Variants in VOPP1 observed in about 807,000 individuals in gnomAD.
VOPP1 encodes the protein WW domain binding protein VOPP1.
Under a neutral mutation model 23.5 loss-of-function variants are expected in VOPP1, and 8 were observed. The ratio of observed to expected loss-of-function variants is 0.34; its 90% CI spans 0.20 to 0.61. The LOEUF is 0.61. Ranked by LOEUF, VOPP1 falls within the 20% of genes least tolerant of loss-of-function variation. The pLI is 0.78. For synonymous variants in VOPP1, 83 were observed against 97.3 expected (o/e 0.85, Z 0.86); for missense variants, 174 against 238.1 (o/e 0.73, Z 1.77).
chr7:55,441,244 A>AG (rs1422687748), intron 4 of VOPP1, among the ~76,000 whole-genome samples: 1 of 152,152 alleles, frequency 6.6e-6, no homozygotes, highest in African/African-American at 2.4e-5. Context: ...GGAGGAGGGA[A>AG]GGGGGAGGAA....
rs140145952 is a variant in VOPP1, at chr7:55,486,877, C to T, written c.328+5405G>A. ...TGTGAGACCCCACAATGCAACAGACCCTTACAAACCCCCCAAGGCCACACA... is the reference window on the plus strand; with the variant it reads ...TGTGAGACCCCACAATGCAACAGACTCTTACAAACCCCCCAAGGCCACACA... On this transcript the variant is annotated intron_variant, in intron 4 of 4. Coordinates refer to ENST00000285279, the MANE Select transcript of VOPP1 (RefSeq NM_030796.5). Among the ~76,000 whole-genome samples, 21 of 152,276 alleles carry T rather than the reference C, an allele frequency of 1.4e-4. No homozygotes were observed. The East Asian group carries it at 3.3e-3, about 24-fold the overall frequency.
rs1791759020 is a variant in VOPP1 at position 55,470,691 on chromosome 7, T to C, written c.*2164A>G. The stretch of plus-strand genomic sequence containing the variant: ...AGAACAAAAAAGAGAAACGAGCCAA[T>C]TGTTGCAGAGGAAAAGCATGCACAG... On this transcript the variant is annotated 3_prime_UTR_variant, in exon 5 of 5. Coordinates refer to ENST00000285279, the MANE Select transcript of VOPP1 (RefSeq NM_030796.5). The C allele has an allele frequency of 6.6e-6, 1 of 152,254 alleles. No homozygotes were observed. The highest frequency in any genetic ancestry group is 2.1e-4 in the South Asian group (1 of 4,838). The allele number at this position is 152,254 out of a possible 1,614,324, so 9.4% of individuals were successfully genotyped here. A position where few individuals can be genotyped will look rare whatever the true frequency, so the allele number is the denominator to read the frequency against.
At chr7:55,488,651 C>T (rs576276864) in intron 4 of VOPP1, among the ~76,000 whole-genome samples, 14 of 152,256 alleles carry the variant, frequency 9.2e-5, no homozygotes, top group African/African-American at 3.1e-4. Flanking sequence ...CATGCGAGCC[C>T]CCCTACACCC....
downstream of VOPP1, among the ~76,000 whole-genome samples, chr7:55,467,393 G>T (rs917540945): frequency 6.6e-6 from 1 of 152,184 alleles, no homozygotes; most frequent in Non-Finnish European, 1.5e-5. Flanking sequence ...CAATCTCCCC[G>T]GTCCCTACCA....
rs1288210503 is a variant in VOPP1, at chr7:55,521,098, G to A, written c.87C>T (p.Phe29=). Residue 29 remains phenylalanine (F), a synonymous_variant, in exon 2 of 5, where the codon TTC becomes TTT. Transcript: ENST00000285279. ...TATAATAGGTTGGATAGAGTCCTTC[G>A]AAATACCAGCAATGCTTTTTGGCTT... The part of the protein sequence containing the change: ...CTEAKKHCWY[F]EGLYPTYYIC... The A allele has an allele frequency of 8.2e-6, 13 of 1,583,728 alleles. No individual in the cohort carries two copies. Among genetic ancestry groups the A allele is most frequent in the South Asian group, 4.6e-5 (4 of 86,390 alleles).
At position 55,572,453 on chromosome 7, in the gene VOPP1, C is replaced by G. The variant is rs1450325302; in HGVS notation, c.-129G>C. The G allele has an allele frequency of 1.6e-6, 1 of 613,084 alleles. No homozygotes were observed. The highest frequency in any genetic ancestry group is 2.0e-5 in the African/African-American group (1 of 49,700). 38.0% of individuals were successfully genotyped at this position (613,084 alleles called of 1,614,324 possible). On this transcript the variant is annotated 5_prime_UTR_variant, in exon 1 of 5. Coordinates refer to ENST00000285279, the MANE Select transcript of VOPP1 (RefSeq NM_030796.5). ...TCCCGCCGACCGCTGGGGGGCCCGG[C>G]TGGGAGCGGGCGGGAGCCGGGGCGC...
intron 1 of VOPP1, among the ~76,000 whole-genome samples, chr7:55,545,434 A>G (rs1797323856): frequency 6.6e-6 from 1 of 152,194 alleles, no homozygotes; most frequent in Non-Finnish European, 1.5e-5. Flanking sequence ...CAGACAAAGC[A>G]GCACACAACT....
At chr7:55,503,790 C>T (rs981274855) in intron 2 of VOPP1, among the ~76,000 whole-genome samples, 1 of 152,184 alleles carries the variant, frequency 6.6e-6, no homozygotes. Flanking sequence ...ACGGACAGAG[C>T]CCTCAACAGA....
At chr7:55,454,592 T>A (rs1296630039) in intron 4 of VOPP1, among the ~76,000 whole-genome samples, 1 of 152,314 alleles carries the variant, frequency 6.6e-6, no homozygotes, top group East Asian at 1.9e-4. Context: ...ATCAAAAAGC[T>A]TATGTACCAT....
intron 4 of VOPP1, among the ~76,000 whole-genome samples, chr7:55,454,905 T>C (rs1791329328): frequency 6.6e-6 from 1 of 152,172 alleles, no homozygotes; most frequent in South Asian, 2.1e-4. Flanking sequence ...AAGGATGCCC[T>C]CTCTCATCAC....
At chr7:55,527,176 G>A (rs1246826550) in intron 1 of VOPP1, among the ~76,000 whole-genome samples, 3 of 152,128 alleles carry the variant, frequency 2.0e-5, no homozygotes, top group African/African-American at 7.2e-5. Context: ...AAATAGGACC[G>A]ACCATGCTTT....
intron 1 of VOPP1, among the ~76,000 whole-genome samples, chr7:55,551,597 T>C (rs572088638): frequency 6.6e-6 from 1 of 152,074 alleles, no homozygotes; most frequent in Admixed American, 6.5e-5. Flanking sequence ...TTTTTCCCCC[T>C]TCCCTTAGGA....
At chr7:55,522,223 G>C (rs1463076310) in intron 1 of VOPP1, among the ~76,000 whole-genome samples, 1 of 152,180 alleles carries the variant, frequency 6.6e-6, no homozygotes, top group African/African-American at 2.4e-5. Context: ...TTAGAGACAG[G>C]CCCCACATCT....
chr7:55,444,949 A>G (rs887809727), intron 4 of VOPP1, among the ~76,000 whole-genome samples: 3 of 152,172 alleles, frequency 2.0e-5, no homozygotes, highest in African/African-American at 7.2e-5. Flanking sequence ...CTTTATGTTT[A>G]ATAGCCCTCT....
chr7:55,545,340 A>G (rs1263150886), intron 1 of VOPP1, among the ~76,000 whole-genome samples: 1 of 152,204 alleles, frequency 6.6e-6, no homozygotes, highest in African/African-American at 2.4e-5. Flanking sequence ...CCACTGAGTC[A>G]CTGAAGCCCC....
intron 1 of VOPP1, among the ~76,000 whole-genome samples, chr7:55,527,960 A>G (rs1014599825): frequency 1.3e-5 from 2 of 152,066 alleles, no homozygotes; most frequent in African/African-American, 4.8e-5. Context: ...AAAAAATCAC[A>G]TAATTGTTGG....
chr7:55,437,080 A>G (rs1371800803), intron 4 of VOPP1, among the ~76,000 whole-genome samples: 3 of 152,208 alleles, frequency 2.0e-5, no homozygotes, highest in Admixed American at 6.5e-5. Context: ...CTAAAGTTCC[A>G]AGAACTGACA....
At chr7:55,539,564 A>T (rs1036047369) in intron 1 of VOPP1, 6 of 152,244 alleles carry the variant, frequency 3.9e-5, no homozygotes, top group African/African-American at 1.4e-4. Flanking sequence ...CCTTAAAACA[A>T]AACTAATGAG....
At chr7:55,561,282 T>A (rs957048025) in intron 1 of VOPP1, among the ~76,000 whole-genome samples, 1 of 151,938 alleles carries the variant, frequency 6.6e-6, no homozygotes, top group Non-Finnish European at 1.5e-5. Context: ...ATGACCTCCT[T>A]CCTCATCTCC....
Sources: allele counts gnomAD v4.1 joint callset (sites outside exome capture counted in the v4.1 genomes callset), GRCh38; gene constraint gnomAD v4.1.1; transcripts MANE v1.5; gene names NCBI Gene and HGNC (gene_info 2026-07-23, HGNC 2026-07-21).